Variants in CRYAB observed in about 807,000 individuals in gnomAD.
CRYAB encodes alpha-crystallin B chain.
A neutral mutation model predicts 12.7 loss-of-function variants in CRYAB; 9 were observed. The observed-to-expected ratio is 0.71, with a 90% CI of 0.43 to 1.24. CRYAB has a LOEUF of 1.24. Ranked by LOEUF, CRYAB falls within the 50% of genes most tolerant of loss-of-function variation. The pLI is 0.00. For synonymous variants in CRYAB, 93 were observed against 86.8 expected (o/e 1.07, Z -0.40); for missense variants, 183 against 226.6 (o/e 0.81, Z 1.24).
upstream of CRYAB, chr11:111,912,609 A>G: frequency 1.7e-6 from 1 of 581,646 alleles, no homozygotes; most frequent in Non-Finnish European, 3.1e-6. Flanking sequence ...TGTGCGGGGG[A>G]GGGGACTAGG....
In CRYAB at chr11:111,919,343, C is replaced by T. The variant is rs192656487; in HGVS notation, c.-199+4360G>A. 663 of 254,678 alleles carry T rather than the reference C, an allele frequency of 2.6e-3. 9 individuals are homozygous for T. The highest frequency in any genetic ancestry group is 0.014 in the African/African-American group (621 of 45,486). The allele number at this position is 254,678 out of a possible 1,614,324, so 15.8% of individuals were successfully genotyped here. Reference sequence around the variant, plus strand: ...CAAAAATTAGCTGGGCATGGTGGCGCGCACCTGTAGTCCCAGCTACTCGGG... The same window carrying T: ...CAAAAATTAGCTGGGCATGGTGGCGTGCACCTGTAGTCCCAGCTACTCGGG... On this transcript the variant is annotated intron_variant, in intron 1 of 3. Transcript: ENST00000527950.
chr11:111,913,220 C>T, upstream of CRYAB: 2 of 606,496 alleles, frequency 3.3e-6, no homozygotes, highest in East Asian at 2.8e-5. Context: ...TCCTCCCCCT[C>T]CTCCTCCTTC....
At chr11:111,915,566 G>A (rs1965585190), upstream of CRYAB, among the ~76,000 whole-genome samples, 1 of 152,112 alleles carries the variant, frequency 6.6e-6, no homozygotes, top group Admixed American at 6.5e-5. Context: ...ACATTGATAT[G>A]TTTTGTAACT....
At chr11:111,910,530 G>A (rs1965420532) in intron 1 of CRYAB, 81 bp from the exon 2 acceptor site, 1 of 1,541,156 alleles carries the variant, frequency 6.5e-7, no homozygotes, top group Non-Finnish European at 8.9e-7. Context: ...TTATTCTGCA[G>A]AGCTGCTTTC....
chr11:111,916,336 T>G (rs1555166127), upstream of CRYAB, among the ~76,000 whole-genome samples: 1 of 151,714 alleles, frequency 6.6e-6, no homozygotes, highest in Non-Finnish European at 1.5e-5. Context: ...GCTCAAGCAA[T>G]CCTCCCACCT....
chr11:111,914,003 CA>C (rs1965556767), upstream of CRYAB: 4 of 957,494 alleles, frequency 4.2e-6, no homozygotes, highest in Admixed American at 1.1e-4. Context: ...GGGAAAGGTG[CA>C]TGGTCCACAA....
In CRYAB at chr11:111,908,800, T is replaced by C; in HGVS notation, c.492A>G (p.Glu164=). The C allele has an allele frequency of 6.2e-7, 1 of 1,613,358 alleles. No homozygotes were observed. Residue 164 remains glutamate (E), a synonymous_variant, in exon 3 of 3, where the codon GAA becomes GAG. Coordinates refer to ENST00000650687, the MANE Select transcript of CRYAB (RefSeq NM_001289808.2). Reference sequence around the variant, plus strand: ...GGGCTGCGGTGACAGCAGGCTTCTCTTCACGGGTGATGGGAATGGTGCGCT... The same window carrying C: ...GGGCTGCGGTGACAGCAGGCTTCTCCTCACGGGTGATGGGAATGGTGCGCT... ...GPERTIPITR[E]EKPAVTAAPK...
upstream of CRYAB, chr11:111,912,938 C>G: frequency 3.9e-6 from 6 of 1,555,884 alleles, no homozygotes; most frequent in Non-Finnish European, 4.4e-6. Context: ...GGCACAGACA[C>G]CACCCCCTTG....
chr11:111,922,747 G>T (rs1291713947), intron 1 of CRYAB, among the ~76,000 whole-genome samples: 2 of 152,058 alleles, frequency 1.3e-5, no homozygotes, highest in East Asian at 3.8e-4. Flanking sequence ...TTTAAATAAT[G>T]TTATAATGAA....
upstream of CRYAB, chr11:111,913,505 C>T (rs4252588): frequency 0.07 from 112,882 of 1,613,752 alleles, 4,269 homozygotes; most frequent in African/African-American, 0.12. Flanking sequence ...GGCCTCGGGC[C>T]GCCCCAGCTG....
At chr11:111,912,907 G>A, upstream of CRYAB, 1 of 1,606,700 alleles carries the variant, frequency 6.2e-7, no homozygotes, top group Non-Finnish European at 8.5e-7. Flanking sequence ...GCCTGGGTGA[G>A]CAGCGCTTCG....
chr11:111,913,718 T>G (rs201135642), upstream of CRYAB: 137 of 1,614,142 alleles, frequency 8.5e-5, no homozygotes, highest in Middle Eastern at 8.2e-4. Context: ...ATGTCCTGCC[T>G]GCTGATGTCG....
upstream of CRYAB, chr11:111,913,201 GCCTCCTCCTCCTCCC>G (rs1184247477): frequency 1.0e-3 from 622 of 602,864 alleles, 11 homozygotes; most frequent in South Asian, 0.012. Flanking sequence ...GCCGTTTGGT[GCCTCCTCCTCCTCCC>G]CCTCCTCCTC....
chr11:111,917,723 G>A (rs1221492978), upstream of CRYAB, among the ~76,000 whole-genome samples: 1 of 151,088 alleles, frequency 6.6e-6, no homozygotes, highest in Non-Finnish European at 1.5e-5. Context: ...GTGTGAGCCT[G>A]TAGTCCCAGC....
upstream of CRYAB, among the ~76,000 whole-genome samples, chr11:111,917,390 A>G (rs1443615902): frequency 2.0e-5 from 3 of 152,202 alleles, no homozygotes; most frequent in African/African-American, 7.2e-5. Flanking sequence ...TGGAAGAAGC[A>G]TGGCCATGAA....
intron 1 of CRYAB, chr11:111,910,996 G>T (rs1484990823): frequency 3.5e-5 from 8 of 229,816 alleles, no homozygotes; most frequent in African/African-American, 1.8e-4. Context: ...GGACAAATGG[G>T]CGTCCCTATA....
chr11:111,910,550 A>C, intron 1 of CRYAB, 101 bp from the exon 2 acceptor site: 1 of 1,410,608 alleles, frequency 7.1e-7, no homozygotes. Flanking sequence ...CTGTCCGGGT[A>C]ATTCATCCTT....
At chr11:111,920,622 G>A (rs587629859) in intron 1 of CRYAB, among the ~76,000 whole-genome samples, 3 of 152,192 alleles carry the variant, frequency 2.0e-5, no homozygotes, top group East Asian at 1.9e-4. Flanking sequence ...AAATTAGCTA[G>A]GCGTGGTGGT....
At position 111,910,508 on chromosome 11, in the gene CRYAB, A is replaced by G. The variant is rs1965420125; in HGVS notation, c.202-59T>C. On this transcript the variant is annotated intron_variant, in intron 1 of 2. Coordinates refer to ENST00000650687, the MANE Select transcript of CRYAB (RefSeq NM_001289808.2). ...GAAAGAGGGCAAAAATACTGATTAC[A>G]CAGGTGCTGTCTTATTCTGCAGAGC... 2.5e-6 allele frequency: 4 copies of G among 1,599,614 alleles called. No homozygotes were observed. In the Admixed American group the frequency reaches 5.0e-5, roughly 20 times the overall value.
Sources: allele counts gnomAD v4.1 joint callset (sites outside exome capture counted in the v4.1 genomes callset), GRCh38; gene constraint gnomAD v4.1.1; transcripts MANE v1.5; gene names NCBI Gene and HGNC (gene_info 2026-07-23, HGNC 2026-07-21).